Variants in MAD1L1 observed in about 807,000 individuals in gnomAD.
The protein encoded by MAD1L1 is mitotic spindle assembly checkpoint protein MAD1.
A neutral mutation model predicts 96.9 loss-of-function variants in MAD1L1; 95 were observed. The observed-to-expected ratio is 0.98, with a 90% CI of 0.83 to 1.16. The LOEUF (loss-of-function observed/expected upper bound fraction) is 1.16. MAD1L1 is among the 50% of genes most tolerant of loss of function. MAD1L1 has a pLI of 0.00. For missense variants in MAD1L1, 1,007 were observed against 954.4 expected, an observed-to-expected ratio of 1.06 and a Z score of -0.73; for synonymous variants, 473 against 396.6, an observed-to-expected ratio of 1.19 and a Z score of -2.29.
intron 18 of MAD1L1, among the ~76,000 whole-genome samples, chr7:1,871,018 C>T (rs1377395374): frequency 1.4e-5 from 2 of 144,690 alleles, no homozygotes; most frequent in African/African-American, 5.2e-5. Flanking sequence ...ACACCTGCCA[C>T]GCTGAACCTA....
chr7:1,893,672 G>A (rs991093068), intron 18 of MAD1L1, among the ~76,000 whole-genome samples: 2 of 152,108 alleles, frequency 1.3e-5, no homozygotes, highest in Admixed American at 6.5e-5. Flanking sequence ...GCCCCCTGAG[G>A]ATGCCTTTCT....
intron 10 of MAD1L1, among the ~76,000 whole-genome samples, chr7:2,212,169 T>C (rs1189077055): frequency 2.6e-5 from 4 of 152,054 alleles, no homozygotes; most frequent in African/African-American, 7.2e-5. Context: ...CACAGGGTCC[T>C]GGGAAGGATG....
chr7:2,043,088 T>C (rs1211065793), intron 12 of MAD1L1, among the ~76,000 whole-genome samples: 1 of 152,234 alleles, frequency 6.6e-6, no homozygotes, highest in African/African-American at 2.4e-5. Flanking sequence ...AAATTGCTTA[T>C]GCGAAGATAT....
At chr7:2,205,941 C>A (rs1222133700) in intron 10 of MAD1L1, among the ~76,000 whole-genome samples, 1 of 152,144 alleles carries the variant, frequency 6.6e-6, no homozygotes, top group African/African-American at 2.4e-5. Flanking sequence ...TGAGACTAGC[C>A]TGGCCAACAT....
intron 11 of MAD1L1, among the ~76,000 whole-genome samples, chr7:2,113,212 G>A (rs1257267780): frequency 1.3e-5 from 2 of 152,226 alleles, no homozygotes; most frequent in African/African-American, 4.8e-5. Flanking sequence ...ACAGAAAACC[G>A]CCCTGGGGCC....
At chr7:1,939,215 C>CAT (rs71023372) in intron 16 of MAD1L1, among the ~76,000 whole-genome samples, 4 of 115,246 alleles carry the variant, frequency 3.5e-5, no homozygotes, top group Non-Finnish European at 7.2e-5. Context: ...CACACACACA[C>CAT]GGGCCAGGGC....
At chr7:2,162,880 T>C (rs1473700431) in intron 10 of MAD1L1, among the ~76,000 whole-genome samples, 1 of 152,020 alleles carries the variant, frequency 6.6e-6, no homozygotes, top group Non-Finnish European at 1.5e-5. Flanking sequence ...ATCTTTTTTT[T>C]TTTTTTTGCA....
chr7:2,225,108 A>G (rs1375915354), intron 4 of MAD1L1, among the ~76,000 whole-genome samples: 1 of 152,232 alleles, frequency 6.6e-6, no homozygotes, highest in Non-Finnish European at 1.5e-5. Flanking sequence ...GACATCAAGC[A>G]TAACTGATAC....
At chr7:2,200,678 T>G (rs976698045) in intron 10 of MAD1L1, 2 of 152,224 alleles carry the variant, frequency 1.3e-5, no homozygotes, top group Non-Finnish European at 2.9e-5. Flanking sequence ...CTCACAGCAC[T>G]TCTGTGAACG....
chr7:2,166,123 G>A (rs980734287), intron 10 of MAD1L1, among the ~76,000 whole-genome samples: 4 of 152,210 alleles, frequency 2.6e-5, no homozygotes, highest in Admixed American at 2.6e-4. Context: ...CACCACGACT[G>A]TGACGTGGTC....
intron 18 of MAD1L1, among the ~76,000 whole-genome samples, chr7:1,859,328 G>T (rs755225234): frequency 6.6e-6 from 1 of 152,222 alleles, no homozygotes; most frequent in Non-Finnish European, 1.5e-5. Context: ...GGTTCACCAG[G>T]CGTCTCCATA....
chr7:2,069,102 A>G lies in MAD1L1; in HGVS notation c.1218+92T>C. 2.8e-6 allele frequency: 4 copies of G among 1,427,290 alleles called. No individual in the cohort carries two copies. In the African/African-American group the frequency reaches 5.9e-5, roughly 21 times the overall value. The allele number at this position is 1,427,290 out of a possible 1,614,324, so 88.4% of individuals were successfully genotyped here. On this transcript the variant is annotated intron_variant, in intron 12 of 18. Coordinates refer to ENST00000265854, the MANE Select transcript of MAD1L1 (RefSeq NM_001013836.2). ...GTGCCAACCCTGACCCGGCTGCAGCACTCCTGCCTCCACAGTGAGATCCAG... is the reference window on the plus strand; with the variant it reads ...GTGCCAACCCTGACCCGGCTGCAGCGCTCCTGCCTCCACAGTGAGATCCAG...
In MAD1L1 at chr7:2,085,369, C is replaced by T. The variant is rs1201608186; in HGVS notation, c.1074-16031G>A. Among the ~76,000 whole-genome samples, 7 of 152,232 alleles carry T rather than the reference C, an allele frequency of 4.6e-5. No individual in the cohort carries two copies. The East Asian group carries it at 5.8e-4, about 13-fold the overall frequency. Reference sequence around the variant, plus strand: ...GGTCTGTCTCCCCGCCGCACAGCCACGCAGTACACACCCCAGGAGAGCAGC... The same window carrying T: ...GGTCTGTCTCCCCGCCGCACAGCCATGCAGTACACACCCCAGGAGAGCAGC... On this transcript the variant is annotated intron_variant, in intron 11 of 18. Transcript: ENST00000265854.
chr7:2,139,531 G>T (rs950788713), intron 11 of MAD1L1, among the ~76,000 whole-genome samples: 2 of 152,210 alleles, frequency 1.3e-5, no homozygotes, highest in Non-Finnish European at 2.9e-5. Context: ...CTGAGAGTAT[G>T]GAAAATACAA....
intron 13 of MAD1L1, among the ~76,000 whole-genome samples, chr7:2,002,827 C>A (rs1299552049): frequency 6.6e-6 from 1 of 152,240 alleles, no homozygotes; most frequent in African/African-American, 2.4e-5. Context: ...CACCCATGAC[C>A]TGCACGGTGC....
chr7:1,859,329 C>A (rs1583577263), intron 18 of MAD1L1, among the ~76,000 whole-genome samples: 2 of 152,232 alleles, frequency 1.3e-5, no homozygotes, highest in Non-Finnish European at 2.9e-5. Flanking sequence ...GTTCACCAGG[C>A]GTCTCCATAT....
chr7:1,927,248 T>C (rs1477732738), intron 17 of MAD1L1, among the ~76,000 whole-genome samples: 1 of 152,196 alleles, frequency 6.6e-6, no homozygotes, highest in Non-Finnish European at 1.5e-5. Flanking sequence ...CGTAAATAAA[T>C]GGAGAGCTAC....
At chr7:2,014,446 C>A in intron 13 of MAD1L1, 56 bp downstream of exon 13, 2 of 1,510,368 alleles carry the variant, frequency 1.3e-6, no homozygotes, top group South Asian at 2.6e-5. Context: ...TCTGCCAAGG[C>A]CCACCGGGAA....
intron 17 of MAD1L1, among the ~76,000 whole-genome samples, chr7:1,914,986 G>T (rs935468642): frequency 1.8e-4 from 28 of 152,168 alleles, no homozygotes; most frequent in African/African-American, 6.8e-4. Flanking sequence ...GGCATCTAAG[G>T]ATAGTGTGGG....
Sources: allele counts gnomAD v4.1 joint callset (sites outside exome capture counted in the v4.1 genomes callset), GRCh38; gene constraint gnomAD v4.1.1; transcripts MANE v1.5; gene names NCBI Gene and HGNC (gene_info 2026-07-23, HGNC 2026-07-21).